Variants in MGAT5B observed in about 807,000 individuals in gnomAD.
MGAT5B encodes N-acetylglucosaminyl-transferase Vb.
Under a neutral mutation model 95.1 loss-of-function variants are expected in MGAT5B, and 54 were observed. The ratio of observed to expected loss-of-function variants is 0.57; its 90% confidence interval spans 0.46 to 0.71. The LOEUF (loss-of-function observed/expected upper bound fraction) is 0.71, where lower values mean the gene tolerates loss of function less well. Ranked by LOEUF, MGAT5B falls within the 30% of genes least tolerant of loss-of-function variation. The probability of loss-of-function intolerance (pLI) is 0.00; values close to 1 mark genes in which losing one functional copy is unlikely to be tolerated. For missense variants in MGAT5B, 935 were observed against 1,088.6 expected, an observed-to-expected ratio of 0.86 and a Z score of 1.99; for synonymous variants, 464 against 451.0, an observed-to-expected ratio of 1.03 and a Z score of -0.36.
rs975235635 is a variant in MGAT5B at position 76,940,408 on chromosome 17, A to G, written c.1591A>G (p.Ile531Val). The G allele has an allele frequency of 1.2e-6, 2 of 1,602,874 alleles. No individual in the cohort carries two copies. The highest frequency in any genetic ancestry group is 2.2e-5 in the East Asian group (1 of 44,774). Residue 531 changes from isoleucine (I) to valine (V), a missense_variant, in exon 14 of 18, where the codon ATC (isoleucine) becomes GTC (valine). Physicochemically the swap from Ile to Val is conservative, Grantham distance 29. This residue lies in a region of MGAT5B where 440 missense variants were observed against 523.6 expected (regional missense o/e 0.84). Coordinates refer to ENST00000569840, the MANE Select transcript of MGAT5B (RefSeq NM_001199172.2). This position sits in a 1 kb window ranked among gnomAD's most constrained non-coding sequence, Gnocchi z 4.3. ...GCGCCCCTTGACTCTGCAGCTCTTC[A>G]TCGGGTTTGGCTTCCCCTACGAGGG... ...QQLLRKAKLF[I>V]GFGFPYEGPA...
intron 12 of MGAT5B, among the ~76,000 whole-genome samples, chr17:76,935,171 C>T (rs773520940): frequency 2.0e-5 from 3 of 152,142 alleles, no homozygotes; most frequent in Admixed American, 6.5e-5. Flanking sequence ...GGTTCAGGCC[C>T]GGGGCAAACC....
chr17:76,895,407 T>C (rs925428730), intron 3 of MGAT5B, among the ~76,000 whole-genome samples: 7 of 152,092 alleles, frequency 4.6e-5, no homozygotes, highest in African/African-American at 1.7e-4. Context: ...TCTCCCTGGG[T>C]CCATGGAAAA....
At chr17:76,941,425 T>C (rs981121960) in intron 15 of MGAT5B, among the ~76,000 whole-genome samples, 1 of 152,182 alleles carries the variant, frequency 6.6e-6, no homozygotes, top group African/African-American at 2.4e-5. Flanking sequence ...GTGGACATGT[T>C]TGTGGCTTTT....
chr17:76,891,711 G>A (rs1308082535), intron 3 of MGAT5B, among the ~76,000 whole-genome samples: 1 of 152,224 alleles, frequency 6.6e-6, no homozygotes, highest in Non-Finnish European at 1.5e-5. Context: ...TACAAATTTT[G>A]TGGGGACACA....
Position 76,918,947 on chromosome 17 carries a change from A to T in MGAT5B, c.1026-6019A>T, listed in dbSNP as rs557558574. ...AATTTGAGCACTACCTGGAGAGATTATTTCTAGCCACAGACCAAAGGCACA... is the reference window on the plus strand; with the variant it reads ...AATTTGAGCACTACCTGGAGAGATTTTTTCTAGCCACAGACCAAAGGCACA... On this transcript the variant is annotated intron_variant, in intron 8 of 17. Coordinates refer to ENST00000569840, the MANE Select transcript of MGAT5B (RefSeq NM_001199172.2). The surrounding 1 kb of genome is among the most constrained non-coding windows in gnomAD (Gnocchi z 5.1). Among the ~76,000 whole-genome samples, 1 of 152,228 alleles carries T rather than the reference A, an allele frequency of 6.6e-6. No homozygotes were observed. The highest frequency in any genetic ancestry group is 1.5e-5 in the Non-Finnish European group (1 of 68,034).
intron 12 of MGAT5B, among the ~76,000 whole-genome samples, chr17:76,935,774 G>T (rs997300552): frequency 7.0e-6 from 1 of 142,548 alleles, no homozygotes; most frequent in African/African-American, 2.6e-5. Context: ...TCTGTGGCTT[G>T]TCTCTCTCTT....
At chr17:76,898,736 A>G (rs1201386848) in intron 3 of MGAT5B, among the ~76,000 whole-genome samples, 1 of 152,108 alleles carries the variant, frequency 6.6e-6, no homozygotes, top group Non-Finnish European at 1.5e-5. Context: ...ATTTGGTTAC[A>G]TGAGTAAGTT....
chr17:76,883,798 A>G (rs1967518837), intron 3 of MGAT5B, among the ~76,000 whole-genome samples: 1 of 152,254 alleles, frequency 6.6e-6, no homozygotes, highest in Non-Finnish European at 1.5e-5. Flanking sequence ...AGCTCTAGGC[A>G]TTTCTAAAGT....
Position 76,940,413 on chromosome 17 carries a change from GT to G in MGAT5B, c.1599del (p.Phe533LeufsTer81). 6.2e-7 allele frequency: 1 copy of G among 1,606,798 alleles called. No individual in the cohort carries two copies. The highest frequency in any genetic ancestry group is 8.5e-7 in the Non-Finnish European group (1 of 1,175,936). ...CCTTGACTCTGCAGCTCTTCATCGG[GT>G]TTGGCTTCCCCTACGAGGGCCCCGC... The part of the protein sequence containing the change: ...LLRKAKLFIG[F>X]GFPYEGPAPL... On this transcript the variant is annotated frameshift_variant, in exon 14 of 18. Coordinates refer to ENST00000569840, the MANE Select transcript of MGAT5B (RefSeq NM_001199172.2). LOFTEE classifies it high-confidence loss of function. The surrounding 1 kb of genome is among the most constrained non-coding windows in gnomAD (Gnocchi z 4.3).
chr17:76,906,242 G>A lies in MGAT5B; in HGVS notation c.1025+55G>A. 6.6e-7 allele frequency: 1 copy of A among 1,515,538 alleles called. No homozygotes were observed. The highest frequency in any genetic ancestry group is 8.8e-7 in the Non-Finnish European group (1 of 1,134,708). 93.9% of individuals were successfully genotyped at this position (1,515,538 alleles called of 1,614,324 possible). On this transcript the variant is annotated intron_variant, in intron 8 of 17. Coordinates refer to ENST00000569840, the MANE Select transcript of MGAT5B (RefSeq NM_001199172.2). The surrounding 1 kb of genome is among the most constrained non-coding windows in gnomAD (Gnocchi z 4.6). ...AGTGGGGCAGGGAGGGGATGAAGGG[G>A]AACCCCACCCCTCCCTCCCAGGGGC...
At chr17:76,948,340 C>A (rs1039627815) in intron 17 of MGAT5B, among the ~76,000 whole-genome samples, 3 of 152,210 alleles carry the variant, frequency 2.0e-5, no homozygotes, top group African/African-American at 7.2e-5. Context: ...ACCCACTCAG[C>A]CCCCTGCCCA....
At chr17:76,924,559 G>A (rs562201745) in intron 8 of MGAT5B, 1 of 176,260 alleles carries the variant, frequency 5.7e-6, no homozygotes, top group East Asian at 1.4e-4. Flanking sequence ...TTCTGAGGCA[G>A]GAGGTTTGGG....
At chr17:76,882,053 CTT>C in intron 2 of MGAT5B, 96 bp from the exon 3 acceptor site, 1 of 1,348,196 alleles carries the variant, frequency 7.4e-7, no homozygotes, top group Non-Finnish European at 1.0e-6. Flanking sequence ...TGCTGGGGGA[CTT>C]TGGGGCCAGC....
In MGAT5B at chr17:76,902,637, A is replaced by G; in HGVS notation, c.412A>G (p.Ile138Val). ...VSDIAVKVDQ[I>V]LRHSLLLHSK... ...CGACATCGCTGTGAAGGTGGACCAG[A>G]TCCTGCGCCACAGTCTGCTCCTGCA... Residue 138 changes from isoleucine (I) to valine (V), a missense_variant, in exon 4 of 18, where the codon ATC (isoleucine) becomes GTC (valine). Coordinates refer to ENST00000569840, the MANE Select transcript of MGAT5B (RefSeq NM_001199172.2). 1 of 1,599,640 alleles carries G rather than the reference A, an allele frequency of 6.3e-7. No homozygotes were observed. Among genetic ancestry groups the G allele is most frequent in the Non-Finnish European group, 8.5e-7 (1 of 1,172,900 alleles).
At chr17:76,933,244 C>G (rs888505413) in intron 11 of MGAT5B, 48 bp from the exon 12 acceptor site, 3 of 1,598,126 alleles carry the variant, frequency 1.9e-6, no homozygotes, top group Non-Finnish European at 2.5e-6. Context: ...CATCACTAAC[C>G]TGCTGTCTCT....
chr17:76,896,945 G>A (rs58663604), intron 3 of MGAT5B, among the ~76,000 whole-genome samples: 30,392 of 151,722 alleles, frequency 0.2, 3,357 homozygotes, highest in South Asian at 0.31. Context: ...TTTAAACAAA[G>A]TCTTGTTCTG....
rs1404695863 is a variant in MGAT5B, at chr17:76,915,413, T to C, written c.1025+9226T>C. Among the ~76,000 whole-genome samples, 1 of 151,982 alleles carries C rather than the reference T, an allele frequency of 6.6e-6. No homozygotes were observed. Among genetic ancestry groups the C allele is most frequent in the Non-Finnish European group, 1.5e-5 (1 of 67,986 alleles). Reference sequence around the variant, plus strand: ...ATCTTCGATGCCGGAGGGGAGAGCATTTCCCACAAGCCAGGTGGAGGCAGC... The same window carrying C: ...ATCTTCGATGCCGGAGGGGAGAGCACTTCCCACAAGCCAGGTGGAGGCAGC... On this transcript the variant is annotated intron_variant, in intron 8 of 17. Coordinates refer to ENST00000569840, the MANE Select transcript of MGAT5B (RefSeq NM_001199172.2). This position sits in a 1 kb window ranked among gnomAD's most constrained non-coding sequence, Gnocchi z 8.7.
chr17:76,910,063 G>A (rs1968676311), intron 8 of MGAT5B, among the ~76,000 whole-genome samples: 1 of 152,160 alleles, frequency 6.6e-6, no homozygotes, highest in Non-Finnish European at 1.5e-5. Context: ...AGGTCCAGGA[G>A]CTGCAAGGAA....
chr17:76,929,524 ATTTCT>A (rs1340872747), intron 10 of MGAT5B, among the ~76,000 whole-genome samples: 1 of 152,126 alleles, frequency 6.6e-6, no homozygotes, highest in Non-Finnish European at 1.5e-5. Flanking sequence ...TTGCTTATAC[ATTTCT>A]TTTCCCTGAT....
Sources: gnomAD v4.1 joint callset for allele counts (sites outside exome capture counted in the v4.1 genomes callset) on GRCh38, gnomAD v4.1.1 for gene constraint, gnomAD v4.1.1 regional missense constraint, Gnocchi (gnomAD v3.1) non-coding constraint, MANE v1.5 for transcripts, NCBI Gene and HGNC (gene_info 2026-07-23, HGNC 2026-07-21) for gene names.